THSD7A: variants seen among roughly 807,000 people sequenced by gnomAD.
THSD7A encodes thrombospondin type-1 domain-containing protein 7A.
A neutral mutation model predicts 231.3 loss-of-function variants in THSD7A; 96 were observed. The ratio of observed to expected loss-of-function variants is 0.41; its 90% confidence interval spans 0.35 to 0.49. THSD7A has a LOEUF of 0.49. Among genes scored for constraint, THSD7A ranks in the 20% least tolerant of loss-of-function variants. THSD7A has a pLI of 0.05. For missense variants in THSD7A, 2,290 were observed against 2,070.2 expected (o/e 1.11, Z -2.06); for synonymous variants, 940 against 743.3 (o/e 1.26, Z -4.30).
intron 4 of THSD7A, among the ~76,000 whole-genome samples, chr7:11,572,897 C>G (rs1790708905): frequency 6.6e-6 from 1 of 151,980 alleles, no homozygotes; most frequent in Non-Finnish European, 1.5e-5. Flanking sequence ...TGTGTAGTAA[C>G]TTTTTATTAT....
At chr7:11,416,349 A>C (rs1321480657) in intron 17 of THSD7A, among the ~76,000 whole-genome samples, 6 of 152,182 alleles carry the variant, frequency 3.9e-5, no homozygotes, top group Admixed American at 3.9e-4. Context: ...ATAAAAATGG[A>C]ATCTCTTCAT....
At chr7:11,745,996 C>T (rs1041782692) in intron 1 of THSD7A, among the ~76,000 whole-genome samples, 1 of 151,820 alleles carries the variant, frequency 6.6e-6, no homozygotes, top group African/African-American at 2.4e-5. Flanking sequence ...TCATTGGTAG[C>T]TTGATGGGGA....
At chr7:11,759,134 G>A (rs1303525032) in intron 1 of THSD7A, among the ~76,000 whole-genome samples, 1 of 151,992 alleles carries the variant, frequency 6.6e-6, no homozygotes, top group Non-Finnish European at 1.5e-5. Flanking sequence ...CAACAGGAAA[G>A]GAGCAACCAT....
chr7:11,738,933 A>C (rs1027845754), intron 1 of THSD7A, among the ~76,000 whole-genome samples: 2 of 152,050 alleles, frequency 1.3e-5, no homozygotes, highest in South Asian at 4.1e-4. Context: ...CTTTTAAGCC[A>C]CTAAATTCAT....
chr7:11,591,659 G>A (rs548696076), intron 3 of THSD7A, among the ~76,000 whole-genome samples: 2 of 152,240 alleles, frequency 1.3e-5, no homozygotes, highest in South Asian at 2.1e-4. Flanking sequence ...TATAAGTGGG[G>A]ATTTGTTGCT....
intron 6 of THSD7A, among the ~76,000 whole-genome samples, chr7:11,504,022 C>A (rs1171614595): frequency 6.6e-6 from 1 of 152,044 alleles, no homozygotes; most frequent in African/African-American, 2.4e-5. Flanking sequence ...ATGTTCACTG[C>A]AGCACTTTTC....
chr7:11,485,733 A>C (rs1786630000), intron 6 of THSD7A, among the ~76,000 whole-genome samples: 1 of 152,188 alleles, frequency 6.6e-6, no homozygotes, highest in South Asian at 2.1e-4. Context: ...ATAATAGATA[A>C]GGCTTTGCCT....
chr7:11,410,957 A>G (rs1022710818), intron 19 of THSD7A, among the ~76,000 whole-genome samples: 2 of 151,928 alleles, frequency 1.3e-5, no homozygotes, highest in Non-Finnish European at 2.9e-5. Flanking sequence ...ATTGTTCCCC[A>G]AGCATTTCTT....
chr7:11,789,909 C>T (rs905997665), intron 1 of THSD7A, among the ~76,000 whole-genome samples: 1 of 151,950 alleles, frequency 6.6e-6, no homozygotes, highest in Non-Finnish European at 1.5e-5. Flanking sequence ...ATGATATGGA[C>T]TTCCGTGTCT....
chr7:11,769,509 C>CT (rs1418457231), intron 1 of THSD7A, among the ~76,000 whole-genome samples: 7 of 151,502 alleles, frequency 4.6e-5, no homozygotes, highest in Admixed American at 2.6e-4. Flanking sequence ...AGATATTTAT[C>CT]TTTTTTTTCA....
At chr7:11,771,929 C>T (rs1783243305) in intron 1 of THSD7A, among the ~76,000 whole-genome samples, 2 of 152,096 alleles carry the variant, frequency 1.3e-5, no homozygotes, top group Admixed American at 6.5e-5. Context: ...CCTACTCTGG[C>T]CGTGTGATGT....
rs116910070 is a variant in THSD7A at position 11,673,702 on chromosome 7, C to T, written c.191-36741G>A. On this transcript the variant is annotated intron_variant, in intron 1 of 27. Coordinates refer to ENST00000423059, the MANE Select transcript of THSD7A (RefSeq NM_015204.3). ...CTGGCATGGGAGCAGGATGCTCCTTCCTTCACAAAACTGGACTGGGAAGGG... is the reference window on the plus strand; with the variant it reads ...CTGGCATGGGAGCAGGATGCTCCTTTCTTCACAAAACTGGACTGGGAAGGG... Among the ~76,000 whole-genome samples the T allele has an allele frequency of 2.6e-3, 390 of 152,268 alleles. 2 individuals carry two copies. Among genetic ancestry groups the T allele is most frequent in the Non-Finnish European group, 4.3e-3 (295 of 68,030 alleles).
At chr7:11,589,060 C>T (rs1409664916) in intron 4 of THSD7A, among the ~76,000 whole-genome samples, 2 of 152,140 alleles carry the variant, frequency 1.3e-5, no homozygotes, top group Non-Finnish European at 2.9e-5. Context: ...GGCAGAGAAG[C>T]CATCTCTTCT....
At chr7:11,683,387 C>T (rs1160259312) in intron 1 of THSD7A, among the ~76,000 whole-genome samples, 1 of 151,622 alleles carries the variant, frequency 6.6e-6, no homozygotes. Flanking sequence ...CAGAGCAGAA[C>T]TAAATAACAT....
chr7:11,633,332 T>C (rs1781722605), intron 2 of THSD7A, among the ~76,000 whole-genome samples: 1 of 152,198 alleles, frequency 6.6e-6, no homozygotes, highest in Admixed American at 6.5e-5. Context: ...TTTAGAATTC[T>C]CTTCCACTAG....
intron 6 of THSD7A, among the ~76,000 whole-genome samples, chr7:11,514,527 G>A (rs1369495966): frequency 6.6e-6 from 1 of 152,172 alleles, no homozygotes; most frequent in Non-Finnish European, 1.5e-5. Flanking sequence ...GGAGAAAAGA[G>A]AAGGAGGAGA....
intron 23 of THSD7A, among the ~76,000 whole-genome samples, chr7:11,391,372 A>C (rs1181396600): frequency 1.3e-5 from 2 of 152,094 alleles, no homozygotes; most frequent in East Asian, 3.9e-4. Flanking sequence ...CCCAGTTTGA[A>C]CTTCCTGGTG....
intron 1 of THSD7A, among the ~76,000 whole-genome samples, chr7:11,752,223 C>A (rs574976236): frequency 2.4e-4 from 37 of 152,172 alleles, no homozygotes; most frequent in African/African-American, 8.7e-4. Flanking sequence ...ATCACACATT[C>A]CGTTCCTTGC....
intron 2 of THSD7A, among the ~76,000 whole-genome samples, chr7:11,611,108 T>G (rs1008403002): frequency 2.0e-5 from 3 of 152,134 alleles, no homozygotes; most frequent in African/African-American, 7.2e-5. Flanking sequence ...TCAACCTCTA[T>G]TTTACATATT....
Sources: gnomAD v4.1 joint callset for allele counts (sites outside exome capture counted in the v4.1 genomes callset) on GRCh38, gnomAD v4.1.1 for gene constraint, MANE v1.5 for transcripts, NCBI Gene and HGNC (gene_info 2026-07-23, HGNC 2026-07-21) for gene names.